Variants in WASHC3 observed in about 807,000 individuals in gnomAD.
The protein encoded by WASHC3 is WASH complex subunit CCDC53.
A neutral mutation model predicts 26.1 loss-of-function variants in WASHC3; 24 were observed. The ratio of observed to expected loss-of-function variants is 0.92; its 90% CI spans 0.66 to 1.29. The LOEUF (loss-of-function observed/expected upper bound fraction) is 1.29, where lower values mean the gene tolerates loss of function less well. WASHC3 is among the 50% of genes most tolerant of loss of function. The pLI is 0.00. For missense variants in WASHC3, 214 were observed against 229.6 expected, an observed-to-expected ratio of 0.93 and a Z score of 0.44; for synonymous variants, 77 against 75.7, an observed-to-expected ratio of 1.02 and a Z score of -0.09.
Position 102,056,140 on chromosome 12 carries a change from T to C in WASHC3, c.150+5108A>G, listed in dbSNP as rs557097435. The stretch of plus-strand genomic sequence containing the variant: ...CCCATTGTTTTGACGATTCTAAAGA[T>C]TGTAAGTTTATTTTTACAGTCTACT... On this transcript the variant is annotated intron_variant, in intron 2 of 6. Transcript: ENST00000240079. Among the ~76,000 whole-genome samples, 4 of 152,350 alleles carry C rather than the reference T, an allele frequency of 2.6e-5. No individual in the cohort carries two copies. In the East Asian group the frequency reaches 7.7e-4, roughly 29 times the overall value.
chr12:102,019,453 C>T, intron 6 of WASHC3: 1 of 286,942 alleles, frequency 3.5e-6, no homozygotes, highest in Non-Finnish European at 6.9e-6. Context: ...TTTAGCTTCT[C>T]CCAATTCAAA....
chr12:102,027,390 A>C (rs1320996732), intron 5 of WASHC3, among the ~76,000 whole-genome samples: 1 of 152,162 alleles, frequency 6.6e-6, no homozygotes, highest in Non-Finnish European at 1.5e-5. Flanking sequence ...ATTTCCCAGT[A>C]AAATCTGAGT....
chr12:102,057,342 C>A (rs986661525), intron 2 of WASHC3, among the ~76,000 whole-genome samples: 1 of 152,000 alleles, frequency 6.6e-6, no homozygotes, highest in Non-Finnish European at 1.5e-5. Flanking sequence ...AGTTTTTCCT[C>A]TAAGATGAGG....
chr12:102,056,216 G>A (rs889417253), intron 2 of WASHC3, among the ~76,000 whole-genome samples: 7 of 152,138 alleles, frequency 4.6e-5, no homozygotes, highest in African/African-American at 1.4e-4. Flanking sequence ...ACTTAATTCT[G>A]CCTAAGATAT....
intron 2 of WASHC3, chr12:102,050,316 T>C (rs1878337882): frequency 2.2e-6 from 1 of 451,976 alleles, no homozygotes. Context: ...ACAAAAAAAG[T>C]TTGAATTAAA....
chr12:102,025,027 T>A (rs1594351242), intron 6 of WASHC3, among the ~76,000 whole-genome samples: 1 of 152,306 alleles, frequency 6.6e-6, no homozygotes, highest in Admixed American at 6.5e-5. Flanking sequence ...TCTTGTAGAC[T>A]TTAAAAGAAT....
Position 102,013,111 on chromosome 12 carries a change from A to C in WASHC3, c.582T>G (p.Asp194Glu). 7.0e-7 allele frequency: 1 copy of C among 1,432,374 alleles called. No individual in the cohort carries two copies. Among genetic ancestry groups the C allele is most frequent in the Non-Finnish European group, 9.6e-7 (1 of 1,038,158 alleles). The allele number at this position is 1,432,374 out of a possible 1,614,324, so 88.7% of individuals were successfully genotyped here. A position where few individuals can be genotyped will look rare whatever the true frequency, so the allele number is the denominator to read the frequency against. The change falls in exon 7 of 7, where the codon GAT becomes GAG. Residue 194 changes from aspartate to glutamate, a missense_variant. Physicochemically the swap from Asp to Glu is conservative, Grantham distance 45. Coordinates refer to ENST00000240079, the MANE Select transcript of WASHC3 (RefSeq NM_016053.4). Reference protein sequence around the residue: ...ESSDSESSFSD With the variant: ...ESSDSESSFSE ...GTAATTCTTATCAAAATTAAGCTTAATCACTAAAAGAAGATTCGCTATCTG... is the reference window on the plus strand; with the variant it reads ...GTAATTCTTATCAAAATTAAGCTTACTCACTAAAAGAAGATTCGCTATCTG...
At chr12:102,016,125 AG>A (rs1876690620) in intron 6 of WASHC3, among the ~76,000 whole-genome samples, 1 of 147,422 alleles carries the variant, frequency 6.8e-6, no homozygotes, top group Admixed American at 6.7e-5. Flanking sequence ...CCTGACCTCA[AG>A]TGATCCATCT....
In WASHC3 at chr12:102,061,263, A is replaced by G. The variant is rs754691344; in HGVS notation, c.135T>C (p.Ser45=). The G allele has an allele frequency of 5.0e-6, 8 of 1,613,446 alleles. 1 individual carries two copies. In the South Asian group the frequency reaches 5.5e-5, roughly 11 times the overall value. ...VHTVQFLNRF[S]TVCEEKLADL... is the part of the protein sequence containing the mutation. ...CCGGACCTACCTCCTCACAAACTGT[A>G]GAAAAGCGGTTGAGGAACTGTACAG... The change falls in exon 2 of 7, where the codon TCT becomes TCC. Residue 45 remains serine, a synonymous_variant. Transcript: ENST00000240079.
chr12:102,052,328 C>A (rs1240299557), intron 2 of WASHC3, among the ~76,000 whole-genome samples: 1 of 152,196 alleles, frequency 6.6e-6, no homozygotes, highest in Non-Finnish European at 1.5e-5. Flanking sequence ...ACCAGGCCCA[C>A]CCCAGCAGAA....
At chr12:102,026,954 A>G (rs1424063922) in intron 5 of WASHC3, among the ~76,000 whole-genome samples, 3 of 152,320 alleles carry the variant, frequency 2.0e-5, no homozygotes, top group Non-Finnish European at 4.4e-5. Flanking sequence ...ACACCCAGAT[A>G]CACTCAGGAA....
intron 6 of WASHC3, among the ~76,000 whole-genome samples, chr12:102,014,689 G>A (rs1876623270): frequency 6.6e-6 from 1 of 152,174 alleles, no homozygotes; most frequent in Non-Finnish European, 1.5e-5. Flanking sequence ...AGTCAATACA[G>A]TGAAACTTTA....
intron 6 of WASHC3, among the ~76,000 whole-genome samples, chr12:102,024,986 T>C (rs1183019981): frequency 6.6e-6 from 1 of 152,186 alleles, no homozygotes; most frequent in Non-Finnish European, 1.5e-5. Flanking sequence ...CTTGGATGTA[T>C]GCCAAATGTA....
chr12:102,045,020 T>C (rs1233498162), intron 3 of WASHC3, among the ~76,000 whole-genome samples: 1 of 152,154 alleles, frequency 6.6e-6, no homozygotes, highest in Non-Finnish European at 1.5e-5. Flanking sequence ...CCTTGGACTC[T>C]AACTCCCAGG....
Position 102,061,331 on chromosome 12 carries a change from G to T in WASHC3, c.67C>A (p.Gln23Lys). The T allele has an allele frequency of 6.2e-7, 1 of 1,612,306 alleles. No homozygotes were observed. Among genetic ancestry groups the T allele is most frequent in the East Asian group, 2.2e-5 (1 of 44,880 alleles). Reference protein sequence around the residue: ...IDLTKVPAIQQKRTVAFLNQF... With the variant: ...IDLTKVPAIQKKRTVAFLNQF... Reference sequence around the variant, plus strand: ...TTTAGAAAAGCCACCGTTCTTTTCTGTTGAATAGCTGGCACCTGTGTTACG... The same window carrying T: ...TTTAGAAAAGCCACCGTTCTTTTCTTTTGAATAGCTGGCACCTGTGTTACG... Residue 23 changes from glutamine (Q) to lysine (K), a missense_variant, in exon 2 of 7, where the codon CAG becomes AAG. Transcript: ENST00000240079.
intron 2 of WASHC3, among the ~76,000 whole-genome samples, chr12:102,060,235 T>C (rs1878747890): frequency 6.6e-6 from 1 of 152,252 alleles, no homozygotes; most frequent in Admixed American, 6.5e-5. Context: ...GTTCCCATTG[T>C]CTTCCCCATC....
At chr12:102,036,531 A>C (rs2121391201) in intron 5 of WASHC3, among the ~76,000 whole-genome samples, 1 of 152,276 alleles carries the variant, frequency 6.6e-6, no homozygotes, top group East Asian at 1.9e-4. Context: ...GTAGCTCCCC[A>C]CTTTCTTCTT....
chr12:102,051,436 A>G (rs1878389096), intron 2 of WASHC3, among the ~76,000 whole-genome samples: 1 of 152,264 alleles, frequency 6.6e-6, no homozygotes, highest in Non-Finnish European at 1.5e-5. Context: ...GAATACATGT[A>G]TCTTTGGAAT....
intron 5 of WASHC3, among the ~76,000 whole-genome samples, chr12:102,028,998 T>C (rs184139430): frequency 6.6e-6 from 1 of 152,250 alleles, no homozygotes; most frequent in East Asian, 1.9e-4. Flanking sequence ...ATACAATTGC[T>C]AATATCTTAA....
Sources: allele counts gnomAD v4.1 joint callset (sites outside exome capture counted in the v4.1 genomes callset), GRCh38; gene constraint gnomAD v4.1.1; transcripts MANE v1.5; gene names NCBI Gene and HGNC (gene_info 2026-07-23, HGNC 2026-07-21).